The following PCDH15 variants were observed in gnomAD, a reference collection of about 807,000 sequenced individuals.
PCDH15 encodes protocadherin related 15.
In PCDH15, 129 loss-of-function variants were observed where a neutral mutation model predicts 178.5. That is an observed-to-expected ratio of 0.72 (90% CI 0.63 to 0.84). The LOEUF (loss-of-function observed/expected upper bound fraction) is 0.84. Ranked by LOEUF, PCDH15 falls within the 40% of genes least tolerant of loss-of-function variation. PCDH15 has a pLI of 0.00. For synonymous variants in PCDH15, 800 were observed against 732.0 expected (o/e 1.09, Z -1.50); for missense variants, 2,230 against 2,099.9 (o/e 1.06, Z -1.21).
At chr10:54,515,549 G>T (rs2082125126) in intron 3 of PCDH15, among the ~76,000 whole-genome samples, 1 of 152,238 alleles carries the variant, frequency 6.6e-6, no homozygotes, top group South Asian at 2.1e-4. Flanking sequence ...CTCCACCTCT[G>T]GGGGCAGGGC....
At chr10:55,446,842 T>G (rs1463542445) in intron 2 of PCDH15, among the ~76,000 whole-genome samples, 1 of 152,052 alleles carries the variant, frequency 6.6e-6, no homozygotes, top group Non-Finnish European at 1.5e-5. Context: ...AGACCTGTAG[T>G]GTGAAGCAGC....
At position 55,141,545 on chromosome 10, in the gene PCDH15, T is replaced by C. The variant is rs557982289; in HGVS notation, c.-80+25031A>G. On this transcript the variant is annotated intron_variant, in intron 2 of 5. Coordinates refer to the PCDH15 transcript ENST00000458638. ...AACATTTTATGTTGTCTGCATTTTC[T>C]AATACTAATTAAAATAATTTCAAAT... Among the ~76,000 whole-genome samples the C allele has an allele frequency of 1.6e-3, 246 of 152,268 alleles. 1 individual carries two copies. Among genetic ancestry groups the C allele is most frequent in the African/African-American group, 5.7e-3 (239 of 41,572 alleles).
chr10:54,470,595 G>A (rs563647484), intron 3 of PCDH15, among the ~76,000 whole-genome samples: 5 of 152,222 alleles, frequency 3.3e-5, no homozygotes, highest in Non-Finnish European at 7.4e-5. Context: ...AGCTTCCTAT[G>A]ATAGTTTCAG....
intron 2 of PCDH15, among the ~76,000 whole-genome samples, chr10:54,589,989 A>G (rs1362870261): frequency 6.6e-6 from 1 of 152,180 alleles, no homozygotes; most frequent in African/African-American, 2.4e-5. Flanking sequence ...ATTTGTCATT[A>G]TCTTAGTCAG....
chr10:53,809,395 T>G, intron 37 of PCDH15: 1 of 1,613,964 alleles, frequency 6.2e-7, no homozygotes, highest in Non-Finnish European at 8.5e-7. Flanking sequence ...TCCTCTAACT[T>G]TCTTAAAAAT....
At chr10:54,116,496 T>C (rs970692185) in intron 15 of PCDH15, among the ~76,000 whole-genome samples, 12 of 152,204 alleles carry the variant, frequency 7.9e-5, no homozygotes, top group Non-Finnish European at 1.8e-4. Flanking sequence ...TGCATGCTGA[T>C]GGAAATGATC....
At chr10:54,217,494 A>G (rs530189471) in intron 9 of PCDH15, among the ~76,000 whole-genome samples, 1 of 152,180 alleles carries the variant, frequency 6.6e-6, no homozygotes, top group South Asian at 2.1e-4. Flanking sequence ...TTCTGATTCT[A>G]TTCTTTTCAG....
intron 2 of PCDH15, among the ~76,000 whole-genome samples, chr10:54,542,614 C>G (rs11004362): frequency 6.6e-6 from 1 of 152,146 alleles, no homozygotes; most frequent in Non-Finnish European, 1.5e-5. Flanking sequence ...CTGATAACAC[C>G]TTCCTTAGAG....
At chr10:54,043,855 T>G (rs570402363) in intron 18 of PCDH15, among the ~76,000 whole-genome samples, 1 of 152,268 alleles carries the variant, frequency 6.6e-6, no homozygotes, top group Admixed American at 6.5e-5. Context: ...CTTTTCATTT[T>G]TAGATGAGAA....
chr10:54,212,627 A>G (rs2051564600), intron 10 of PCDH15, among the ~76,000 whole-genome samples: 1 of 152,018 alleles, frequency 6.6e-6, no homozygotes, highest in Admixed American at 6.6e-5. Flanking sequence ...CGCTTTTTAC[A>G]CGTCTTCCTC....
intron 3 of PCDH15, among the ~76,000 whole-genome samples, chr10:54,453,346 C>T (rs1301350445): frequency 6.6e-6 from 1 of 152,068 alleles, no homozygotes; most frequent in South Asian, 2.1e-4. Flanking sequence ...GAATTCATAT[C>T]CTTTGTAGGG....
chr10:54,417,941 T>A (rs151026954), intron 3 of PCDH15, among the ~76,000 whole-genome samples: 2 of 152,284 alleles, frequency 1.3e-5, no homozygotes, highest in East Asian at 3.9e-4. Flanking sequence ...CTTATTATTT[T>A]GCCCAGGCTA....
intron 2 of PCDH15, among the ~76,000 whole-genome samples, chr10:55,344,616 G>A (rs1326699647): frequency 6.6e-6 from 1 of 152,024 alleles, no homozygotes; most frequent in Non-Finnish European, 1.5e-5. Flanking sequence ...AAACTGAGGT[G>A]GGAAAGACTT....
At chr10:54,433,930 A>G (rs2075195740) in intron 3 of PCDH15, among the ~76,000 whole-genome samples, 1 of 152,220 alleles carries the variant, frequency 6.6e-6, no homozygotes, top group South Asian at 2.1e-4. Context: ...CATTGTTATT[A>G]TAGGAGACAA....
At chr10:54,271,887 T>G (rs1287763676) in intron 8 of PCDH15, among the ~76,000 whole-genome samples, 2 of 150,814 alleles carry the variant, frequency 1.3e-5, no homozygotes, top group African/African-American at 2.4e-5. Context: ...TAAAATACTT[T>G]GGTAAGTGCC....
At chr10:55,005,057 C>T (rs1276451763) in intron 2 of PCDH15, among the ~76,000 whole-genome samples, 1 of 151,800 alleles carries the variant, frequency 6.6e-6, no homozygotes, top group African/African-American at 2.4e-5. Flanking sequence ...AGTGTTGAAA[C>T]CATTTTTAGT....
chr10:53,998,202 T>G (rs118173836), intron 20 of PCDH15, among the ~76,000 whole-genome samples: 1 of 152,170 alleles, frequency 6.6e-6, no homozygotes, highest in Admixed American at 6.5e-5. Context: ...TAGTTAAGAA[T>G]TGTATCACTA....
intron 28 of PCDH15, among the ~76,000 whole-genome samples, chr10:53,841,855 G>C (rs932308708): frequency 6.6e-6 from 1 of 151,652 alleles, no homozygotes; most frequent in Non-Finnish European, 1.5e-5. Flanking sequence ...CCAGCTAGTC[G>C]GGAGATGAAA....
chr10:54,890,694 C>A (rs1419865754), intron 3 of PCDH15, among the ~76,000 whole-genome samples: 1 of 151,964 alleles, frequency 6.6e-6, no homozygotes, highest in Admixed American at 6.6e-5. Flanking sequence ...ACTTGGGATA[C>A]CATTTGTCTT....
Sources: allele counts gnomAD v4.1 joint callset (sites outside exome capture counted in the v4.1 genomes callset), GRCh38; gene constraint gnomAD v4.1.1; transcripts MANE v1.5; gene names NCBI Gene and HGNC (gene_info 2026-07-23, HGNC 2026-07-21).